SUPT3H: variants seen among roughly 807,000 people sequenced by gnomAD.
SUPT3H encodes SPT3 homolog, SAGA and STAGA complex component.
In SUPT3H, 44 loss-of-function variants were observed where a neutral mutation model predicts 44.3. The observed-to-expected ratio is 0.99, with a 90% CI of 0.78 to 1.28. The LOEUF is 1.28. Ranked by LOEUF, SUPT3H falls within the 50% of genes most tolerant of loss-of-function variation. SUPT3H has a pLI of 0.00. For missense variants in SUPT3H, 380 were observed against 387.1 expected (o/e 0.98, Z 0.15); for synonymous variants, 124 against 125.6 (o/e 0.99, Z 0.09).
intron 5 of SUPT3H, among the ~76,000 whole-genome samples, chr6:45,005,510 C>T (rs1057103234): frequency 4.6e-5 from 7 of 152,072 alleles, no homozygotes; most frequent in Non-Finnish European, 7.4e-5. Context: ...GAGGCTGAGG[C>T]GGGCGGATCA....
intron 2 of SUPT3H, among the ~76,000 whole-genome samples, chr6:45,122,223 A>T (rs899924471): frequency 6.6e-6 from 1 of 152,160 alleles, no homozygotes; most frequent in African/African-American, 2.4e-5. Flanking sequence ...GGTTGGGAGC[A>T]AGGGTTTGGC....
At chr6:45,147,251 C>T (rs540746077) in intron 2 of SUPT3H, among the ~76,000 whole-genome samples, 5 of 152,104 alleles carry the variant, frequency 3.3e-5, no homozygotes, top group Admixed American at 6.6e-5. Context: ...ATTTAAAATA[C>T]GTTGTCCTCG....
At chr6:45,197,867 A>T (rs1209142214) in intron 2 of SUPT3H, 1 of 169,664 alleles carries the variant, frequency 5.9e-6, no homozygotes, top group African/African-American at 2.4e-5. Flanking sequence ...CACCAAAAAA[A>T]CCCAAATTAC....
chr6:45,353,397 C>A (rs1792481527), intron 2 of SUPT3H, among the ~76,000 whole-genome samples: 2 of 152,070 alleles, frequency 1.3e-5, no homozygotes, highest in Non-Finnish European at 2.9e-5. Flanking sequence ...ACTATTAAAA[C>A]ATATTAAGAA....
intron 10 of SUPT3H, among the ~76,000 whole-genome samples, chr6:44,911,063 TG>T (rs1466358693): frequency 4.6e-4 from 70 of 151,686 alleles, no homozygotes; most frequent in African/African-American, 1.5e-3. Flanking sequence ...TAGATATAAT[TG>T]TTTTTGATGA....
intron 2 of SUPT3H, among the ~76,000 whole-genome samples, chr6:45,267,887 A>AC (rs1298549930): frequency 6.6e-6 from 1 of 152,286 alleles, no homozygotes; most frequent in African/African-American, 2.4e-5. Flanking sequence ...AACCCAGCCT[A>AC]CCCACACATC....
intron 2 of SUPT3H, among the ~76,000 whole-genome samples, chr6:45,170,332 G>A (rs1810568921): frequency 6.6e-6 from 1 of 152,156 alleles, no homozygotes; most frequent in Non-Finnish European, 1.5e-5. Flanking sequence ...AGTACTTTGT[G>A]TTTCCTCAAT....
At chr6:45,068,467 AAAAT>A (rs1562387479) in intron 3 of SUPT3H, among the ~76,000 whole-genome samples, 1 of 151,632 alleles carries the variant, frequency 6.6e-6, no homozygotes, top group Admixed American at 6.6e-5. Flanking sequence ...GTATAATAAA[AAAAT>A]AAAAAAAAAA....
chr6:45,206,733 TG>T (rs1763271107), intron 2 of SUPT3H, among the ~76,000 whole-genome samples: 2 of 152,028 alleles, frequency 1.3e-5, no homozygotes, highest in Non-Finnish European at 2.9e-5. Flanking sequence ...GAAAGAAATG[TG>T]GGCTGTGAGA....
At chr6:45,033,368 C>T (rs1010445797) in intron 3 of SUPT3H, among the ~76,000 whole-genome samples, 1 of 152,022 alleles carries the variant, frequency 6.6e-6, no homozygotes, top group Admixed American at 6.6e-5. Context: ...CTCTTTGTTC[C>T]TTCAATATAT....
chr6:44,956,744 C>T (rs1775281611), intron 7 of SUPT3H, among the ~76,000 whole-genome samples: 1 of 152,148 alleles, frequency 6.6e-6, no homozygotes, highest in Non-Finnish European at 1.5e-5. Flanking sequence ...CTACTCCTTT[C>T]CTTCCATGGA....
At chr6:45,193,099 G>A (rs1351355837) in intron 2 of SUPT3H, among the ~76,000 whole-genome samples, 5 of 152,036 alleles carry the variant, frequency 3.3e-5, no homozygotes, top group African/African-American at 1.2e-4. Flanking sequence ...AGTAAGATTC[G>A]TTAAGGGACC....
At chr6:44,816,085 A>G (rs1015866025) in intron 11 of SUPT3H, among the ~76,000 whole-genome samples, 36 of 152,180 alleles carry the variant, frequency 2.4e-4, no homozygotes, top group Non-Finnish European at 4.3e-4. Flanking sequence ...GGACATTCTC[A>G]AACATTTGGA....
At chr6:44,940,333 T>A (rs1772195314) in intron 9 of SUPT3H, among the ~76,000 whole-genome samples, 1 of 152,090 alleles carries the variant, frequency 6.6e-6, no homozygotes, top group Non-Finnish European at 1.5e-5. Context: ...TTGTTTAATT[T>A]CCATGTATTT....
At chr6:45,118,568 C>T (rs879686021) in intron 2 of SUPT3H, among the ~76,000 whole-genome samples, 5 of 152,094 alleles carry the variant, frequency 3.3e-5, no homozygotes, top group Admixed American at 6.6e-5. Flanking sequence ...TCCCTATGGA[C>T]AGCTGACCAC....
chr6:44,953,211 T>C (rs1269319632), intron 9 of SUPT3H, 99 bp downstream of exon 9: 9 of 888,142 alleles, frequency 1.0e-5, no homozygotes, highest in Non-Finnish European at 1.6e-5. Context: ...CTGAAGGTTA[T>C]ACACTCCTGC....
intron 7 of SUPT3H, among the ~76,000 whole-genome samples, chr6:44,960,732 T>C (rs1176673757): frequency 6.6e-6 from 1 of 152,150 alleles, no homozygotes; most frequent in Non-Finnish European, 1.5e-5. Context: ...ATTGCCATGA[T>C]CTGAAGTGCC....
rs963242886 is a variant in SUPT3H at position 45,367,122 on chromosome 6, G to A, written c.1-1821C>T. ...CTTTATTTGAAGCTTTTGAGAAGGCGACAGGACACAGATCTAAGGCAAGCA... is the reference window on the plus strand; with the variant it reads ...CTTTATTTGAAGCTTTTGAGAAGGCAACAGGACACAGATCTAAGGCAAGCA... On this transcript the variant is annotated intron_variant, in intron 1 of 10. Coordinates refer to ENST00000371459, the MANE Select transcript of SUPT3H (RefSeq NM_003599.4). Among the ~76,000 whole-genome samples, 29 of 152,012 alleles carry A rather than the reference G, an allele frequency of 1.9e-4. 1 individual carries two copies. The highest frequency in any genetic ancestry group is 1.5e-3 in the Admixed American group (23 of 15,240).
intron 2 of SUPT3H, among the ~76,000 whole-genome samples, chr6:45,225,620 G>A (rs540725233): frequency 3.3e-5 from 5 of 152,038 alleles, no homozygotes; most frequent in Non-Finnish European, 5.9e-5. Flanking sequence ...CTGAATAGAT[G>A]GTATGCTAGT....
Sources: allele counts gnomAD v4.1 joint callset (sites outside exome capture counted in the v4.1 genomes callset), GRCh38; gene constraint gnomAD v4.1.1; transcripts MANE v1.5; gene names NCBI Gene and HGNC (gene_info 2026-07-23, HGNC 2026-07-21).